The following PDS5A variants were observed in gnomAD, a reference collection of about 807,000 sequenced individuals.
PDS5A encodes sister chromatid cohesion protein PDS5 homolog A.
PDS5A carries 42 observed loss-of-function variants against 167.1 expected under a neutral mutation model. The ratio of observed to expected loss-of-function variants is 0.25; its 90% confidence interval spans 0.20 to 0.33. PDS5A has a LOEUF of 0.33. PDS5A is among the 10% of genes least tolerant of loss of function. PDS5A has a pLI of 1.00. For missense variants in PDS5A, 1,033 were observed against 1,605.9 expected (o/e 0.64, Z 6.10); for synonymous variants, 553 against 554.6 (o/e 1.00, Z 0.04).
intron 11 of PDS5A, among the ~76,000 whole-genome samples, chr4:39,905,320 G>A (rs1482585079): frequency 6.6e-6 from 1 of 152,128 alleles, no homozygotes; most frequent in Non-Finnish European, 1.5e-5. Flanking sequence ...TACTTTGGGA[G>A]GCCGAGGCAG....
intron 16 of PDS5A, among the ~76,000 whole-genome samples, chr4:39,895,722 GA>G (rs1331180088): frequency 1.3e-5 from 2 of 151,998 alleles, no homozygotes; most frequent in Non-Finnish European, 1.5e-5. Context: ...GTTTTTGTTT[GA>G]TTGTTTGTTT....
intron 26 of PDS5A, among the ~76,000 whole-genome samples, chr4:39,861,409 G>C (rs1439344306): frequency 6.6e-6 from 1 of 152,120 alleles, no homozygotes; most frequent in African/African-American, 2.4e-5. Flanking sequence ...AGTGAGCCAA[G>C]ATCGTGCCAC....
intron 32 of PDS5A, among the ~76,000 whole-genome samples, chr4:39,831,950 C>T (rs566297385): frequency 7.2e-6 from 1 of 138,426 alleles, no homozygotes; most frequent in East Asian, 2.3e-4. Flanking sequence ...CCCGTCTCTA[C>T]TACAAATACA....
intron 21 of PDS5A, among the ~76,000 whole-genome samples, chr4:39,870,953 C>T (rs1401395249): frequency 1.3e-5 from 2 of 152,004 alleles, no homozygotes; most frequent in Non-Finnish European, 2.9e-5. Flanking sequence ...TATATACAAA[C>T]AAAAATATAC....
In PDS5A at chr4:39,968,965, G is replaced by A. The variant is rs146664681; in HGVS notation, c.138+7475C>T. Among the ~76,000 whole-genome samples the A allele has an allele frequency of 4.2e-3, 635 of 151,822 alleles. 5 individuals are homozygous for A. The highest frequency in any genetic ancestry group is 0.014 in the African/African-American group (596 of 41,408). On this transcript the variant is annotated intron_variant, in intron 2 of 32. Transcript: ENST00000303538. Reference sequence around the variant, plus strand: ...TAATTTTATATTTTTAGTAGAAACGGGGTTTCTCCATGTTGGTCAGGCTGG... The same window carrying A: ...TAATTTTATATTTTTAGTAGAAACGAGGTTTCTCCATGTTGGTCAGGCTGG...
intron 20 of PDS5A, among the ~76,000 whole-genome samples, chr4:39,873,420 CA>C (rs1473425388): frequency 6.6e-6 from 1 of 152,114 alleles, no homozygotes; most frequent in Non-Finnish European, 1.5e-5. Flanking sequence ...TTCATCAAAT[CA>C]GCATTATTTT....
intron 28 of PDS5A, chr4:39,847,102 T>C (rs903590159): frequency 6.6e-6 from 1 of 151,850 alleles, no homozygotes. Context: ...ACCTAAGTTG[T>C]TATTATTAAG....
rs1210256217 is a variant in PDS5A, at chr4:39,945,458, CAAAAAAA to C, written c.139-17301_139-17295del. On this transcript the variant is annotated intron_variant, in intron 2 of 32. Transcript: ENST00000303538. ...CCTGGGCGACAGAGCGAGACTGCCT[CAAAAAAA>C]AAAAAAAAAAAAAAAATTAAATGCA... Among the ~76,000 whole-genome samples the C allele has an allele frequency of 9.0e-3, 603 of 66,830 alleles. 8 individuals carry two copies. The highest frequency in any genetic ancestry group is 0.031 in the African/African-American group (584 of 18,604). 43.8% of individuals were successfully genotyped at this position (66,830 alleles called of 152,430 possible).
chr4:39,864,420 G>A (rs564214891), intron 23 of PDS5A, among the ~76,000 whole-genome samples: 1 of 152,230 alleles, frequency 6.6e-6, no homozygotes, highest in South Asian at 2.1e-4. Flanking sequence ...AACCTATGAA[G>A]CCTTGGCACT....
intron 2 of PDS5A, among the ~76,000 whole-genome samples, chr4:39,960,196 G>C (rs1359753360): frequency 1.3e-5 from 2 of 152,124 alleles, no homozygotes; most frequent in Non-Finnish European, 2.9e-5. Flanking sequence ...TTGAACCCAG[G>C]AGGCAAAGGT....
intron 9 of PDS5A, among the ~76,000 whole-genome samples, chr4:39,912,003 G>A (rs1011773289): frequency 5.9e-5 from 9 of 152,042 alleles, no homozygotes; most frequent in African/African-American, 1.9e-4. Flanking sequence ...AAAAAACCAA[G>A]TAAACAAAAA....
At chr4:39,928,464 C>T (rs1241922579) in intron 2 of PDS5A, among the ~76,000 whole-genome samples, 1 of 152,050 alleles carries the variant, frequency 6.6e-6, no homozygotes, top group Admixed American at 6.6e-5. Context: ...CCAGATAGTT[C>T]CTGGCCCCAT....
chr4:39,929,211 T>A (rs1725735090), intron 2 of PDS5A, among the ~76,000 whole-genome samples: 1 of 152,132 alleles, frequency 6.6e-6, no homozygotes, highest in African/African-American at 2.4e-5. Context: ...AAAGTACTAA[T>A]CCTGGGTGTG....
intron 2 of PDS5A, among the ~76,000 whole-genome samples, chr4:39,969,429 G>A (rs1166277033): frequency 6.6e-6 from 1 of 152,178 alleles, no homozygotes; most frequent in Admixed American, 6.6e-5. Context: ...CACTTTGGGA[G>A]GTCGAGGTGG....
chr4:39,963,331 C>T (rs1294139597), intron 2 of PDS5A, among the ~76,000 whole-genome samples: 4 of 151,648 alleles, frequency 2.6e-5, no homozygotes, highest in African/African-American at 4.8e-5. Flanking sequence ...TGGTGGCAGG[C>T]ACCTATAATA....
chr4:39,957,786 CAAA>C lies in PDS5A; in HGVS notation c.138+18651_138+18653del, dbSNP rs34253629. On this transcript the variant is annotated intron_variant, in intron 2 of 32. Transcript: ENST00000303538. ...TGGGCGACAGTGTGAGACTCCATCTCAAAAAAAAAAAAAAAAAAAAGAAATGGA... is the reference window on the plus strand; with the variant it reads ...TGGGCGACAGTGTGAGACTCCATCTCAAAAAAAAAAAAAAAAAGAAATGGA... Among the ~76,000 whole-genome samples, 50 of 87,748 alleles carry C rather than the reference CAAA, an allele frequency of 5.7e-4. 1 individual carries two copies. In the South Asian group the frequency reaches 0.012, roughly 22 times the overall value. 57.6% of individuals were successfully genotyped at this position (87,748 alleles called of 152,430 possible). A position where few individuals can be genotyped will look rare whatever the true frequency, so the allele number is the denominator to read the frequency against.
intron 17 of PDS5A, among the ~76,000 whole-genome samples, chr4:39,888,384 G>A (rs1320874657): frequency 6.6e-6 from 1 of 151,980 alleles, no homozygotes; most frequent in African/African-American, 2.4e-5. Context: ...AAAACTGTAT[G>A]GAGGTTCCTC....
In PDS5A at chr4:39,902,575, T is replaced by G. The variant is rs1578704394; in HGVS notation, c.1386-115A>C. On this transcript the variant is annotated intron_variant, in intron 12 of 32. Transcript: ENST00000303538. ...TCTTGCTCTGTCACCCAGGCTGGAG[T>G]ACAGTGGTGCAAACTCGGCTCAATG... The G allele has an allele frequency of 1.3e-5, 7 of 554,812 alleles. No homozygotes were observed. The East Asian group carries it at 1.9e-4, about 15-fold the overall frequency. 34.4% of individuals were successfully genotyped at this position (554,812 alleles called of 1,614,324 possible).
At position 39,862,349 on chromosome 4, in the gene PDS5A, T is replaced by G. The variant is rs561793895; in HGVS notation, c.2972-16A>C. ...AATAATTTCTCTGAAGTAAAAACAT[T>G]ATTAAAAACAACCTTTATAAAATGC... is the stretch of plus-strand genomic sequence containing the variant. On this transcript the variant is annotated splice_polypyrimidine_tract_variant and intron_variant, in intron 25 of 32. Transcript: ENST00000303538. The G allele has an allele frequency of 1.3e-5, 16 of 1,212,604 alleles. No homozygotes were observed. In the South Asian group the frequency reaches 1.9e-4, roughly 15 times the overall value. 75.1% of individuals were successfully genotyped at this position (1,212,604 alleles called of 1,614,324 possible).
Sources: gnomAD v4.1 joint callset for allele counts (sites outside exome capture counted in the v4.1 genomes callset) on GRCh38, gnomAD v4.1.1 for gene constraint, MANE v1.5 for transcripts, NCBI Gene and HGNC (gene_info 2026-07-23, HGNC 2026-07-21) for gene names.